STK3: variants seen among roughly 807,000 people sequenced by gnomAD.
STK3 encodes serine/threonine-protein kinase 3.
In STK3, 41 loss-of-function variants were observed where a neutral mutation model predicts 58.0. That is an observed-to-expected ratio of 0.71 (90% CI 0.55 to 0.92). STK3 has a LOEUF of 0.92. Among genes scored for constraint, STK3 ranks in the 40% least tolerant of loss-of-function variants. The pLI is 0.00. For missense variants in STK3, 479 were observed against 602.7 expected, an observed-to-expected ratio of 0.79 and a Z score of 2.15; for synonymous variants, 170 against 191.0, an observed-to-expected ratio of 0.89 and a Z score of 0.91.
intron 6 of STK3, among the ~76,000 whole-genome samples, chr8:98,670,875 C>T (rs1255671332): frequency 1.3e-5 from 2 of 152,156 alleles, no homozygotes; most frequent in East Asian, 1.9e-4. Flanking sequence ...GTCAGTGAGA[C>T]CTCATTCTTC....
At chr8:98,651,323 AC>A (rs1820909184) in intron 6 of STK3, 1 of 152,352 alleles carries the variant, frequency 6.6e-6, no homozygotes, top group Admixed American at 6.5e-5. Flanking sequence ...AAGGACATCC[AC>A]ACCAAAAACC....
chr8:98,408,592 T>C (rs1818022787), intron 3 of STK3, among the ~76,000 whole-genome samples: 1 of 152,220 alleles, frequency 6.6e-6, no homozygotes, highest in Non-Finnish European at 1.5e-5. Flanking sequence ...GACTCAATGA[T>C]TAAAATATAC....
chr8:98,613,213 C>A (rs1817337535), intron 6 of STK3, among the ~76,000 whole-genome samples: 1 of 152,116 alleles, frequency 6.6e-6, no homozygotes, highest in East Asian at 1.9e-4. Context: ...GAGCTCCCTT[C>A]CCCTCTTAAA....
chr8:98,872,373 G>A (rs953060997), intron 3 of STK3, among the ~76,000 whole-genome samples: 3 of 152,150 alleles, frequency 2.0e-5, no homozygotes, highest in Admixed American at 6.5e-5. Context: ...GAATTAGGGA[G>A]GATTCACTCT....
chr8:98,394,733 G>A (rs958132903), intron 3 of STK3, among the ~76,000 whole-genome samples: 7 of 152,210 alleles, frequency 4.6e-5, no homozygotes, highest in African/African-American at 1.7e-4. Context: ...TTGTACACAT[G>A]AAGAAAGTGA....
chr8:98,838,923 C>A, intron 3 of STK3, among the ~76,000 whole-genome samples: 1 of 151,374 alleles, frequency 6.6e-6, no homozygotes, highest in East Asian at 1.9e-4. Flanking sequence ...TACTTCAAGA[C>A]CTTTCCCCCA....
intron 7 of STK3, among the ~76,000 whole-genome samples, chr8:98,587,485 T>G (rs1814749542): frequency 6.6e-6 from 1 of 152,148 alleles, no homozygotes; most frequent in African/African-American, 2.4e-5. Flanking sequence ...ATTTCTGTTC[T>G]TTTACATTTG....
chr8:98,759,635 T>C (rs1394374237), intron 3 of STK3, among the ~76,000 whole-genome samples: 2 of 151,460 alleles, frequency 1.3e-5, no homozygotes, highest in Non-Finnish European at 2.9e-5. Context: ...CCACAAACCT[T>C]CAATTAAAAA....
chr8:98,911,238 C>T (rs561840775), intron 1 of STK3, among the ~76,000 whole-genome samples: 1 of 152,116 alleles, frequency 6.6e-6, no homozygotes. Flanking sequence ...TTAAAAAGCT[C>T]TTTATGTATA....
At chr8:98,681,879 T>C (rs540415921) in intron 6 of STK3, among the ~76,000 whole-genome samples, 8 of 152,360 alleles carry the variant, frequency 5.3e-5, no homozygotes, top group Admixed American at 1.3e-4. Flanking sequence ...TCATGTAATA[T>C]TTCTATTAAA....
intron 4 of STK3, among the ~76,000 whole-genome samples, chr8:98,718,582 T>C (rs1563926757): frequency 1.3e-5 from 2 of 152,170 alleles, no homozygotes; most frequent in African/African-American, 2.4e-5. Flanking sequence ...CTAATTTCAG[T>C]TATGCTATAA....
At chr8:98,814,883 T>C (rs949209959) in intron 1 of STK3, among the ~76,000 whole-genome samples, 2 of 152,166 alleles carry the variant, frequency 1.3e-5, no homozygotes, top group Admixed American at 6.5e-5. Context: ...GGTTTTGCCA[T>C]GTTGCCCAGG....
chr8:98,807,382 G>C (rs566749871), intron 1 of STK3, among the ~76,000 whole-genome samples: 14 of 151,944 alleles, frequency 9.2e-5, no homozygotes, highest in African/African-American at 3.1e-4. Flanking sequence ...CCAGCCTCCC[G>C]AGGAGCTGGG....
chr8:98,479,023 G>C (rs986703708), intron 10 of STK3, among the ~76,000 whole-genome samples: 3 of 152,178 alleles, frequency 2.0e-5, no homozygotes, highest in Non-Finnish European at 4.4e-5. Flanking sequence ...TCATGTGAGA[G>C]GTAGCAGTGG....
chr8:98,568,110 T>C (rs997058825), intron 8 of STK3, among the ~76,000 whole-genome samples: 7 of 143,902 alleles, frequency 4.9e-5, no homozygotes, highest in South Asian at 4.4e-4. Flanking sequence ...GATAGATAGA[T>C]AGACTGATTT....
At chr8:98,525,932 C>T (rs1205084585) in intron 10 of STK3, among the ~76,000 whole-genome samples, 1 of 151,590 alleles carries the variant, frequency 6.6e-6, no homozygotes, top group East Asian at 1.9e-4. Context: ...ATTTACTTAT[C>T]CATACGTTTA....
chr8:98,585,320 C>A (rs1159429799), intron 7 of STK3, among the ~76,000 whole-genome samples: 3 of 152,208 alleles, frequency 2.0e-5, no homozygotes, highest in Non-Finnish European at 4.4e-5. Flanking sequence ...ATATGACTAG[C>A]CAATTTTCCC....
intron 3 of STK3, among the ~76,000 whole-genome samples, chr8:98,394,347 C>T (rs973827055): frequency 2.6e-5 from 4 of 151,562 alleles, no homozygotes; most frequent in African/African-American, 9.7e-5. Flanking sequence ...TTTTTTTAAA[C>T]TCAAACGAGA....
chr8:98,395,645 CAG>C (rs1469968545), intron 3 of STK3, among the ~76,000 whole-genome samples: 1 of 152,274 alleles, frequency 6.6e-6, no homozygotes, highest in East Asian at 1.9e-4. Flanking sequence ...AGATATAGAA[CAG>C]ATAACTTTTT....
Sources: gnomAD v4.1 joint callset for allele counts (sites outside exome capture counted in the v4.1 genomes callset) on GRCh38, gnomAD v4.1.1 for gene constraint, MANE v1.5 for transcripts, NCBI Gene and HGNC (gene_info 2026-07-23, HGNC 2026-07-21) for gene names.